The following CSMD1 variants were observed in gnomAD, a reference collection of about 807,000 sequenced individuals.
The protein encoded by CSMD1 is CUB and Sushi multiple domains 1.
CSMD1 carries 213 observed loss-of-function variants against 417.5 expected under a neutral mutation model. The observed-to-expected ratio is 0.51, with a 90% CI of 0.46 to 0.57. The LOEUF is 0.57. Among genes scored for constraint, CSMD1 ranks in the 20% least tolerant of loss-of-function variants. The pLI is 0.00. For synonymous variants in CSMD1, 2,862 were observed against 1,736.8 expected, an observed-to-expected ratio of 1.65 and a Z score of -16.11; for missense variants, 6,923 against 4,529.7, an observed-to-expected ratio of 1.53 and a Z score of -15.17.
chr8:4,160,755 C>A (rs192740313), intron 3 of CSMD1, among the ~76,000 whole-genome samples: 86 of 152,344 alleles, frequency 5.6e-4, no homozygotes, highest in African/African-American at 1.9e-3. Flanking sequence ...ACTACATTTA[C>A]TCAGTCACAC....
intron 3 of CSMD1, among the ~76,000 whole-genome samples, chr8:4,335,637 T>C (rs374127535): frequency 3.9e-4 from 59 of 152,270 alleles, no homozygotes; most frequent in African/African-American, 1.3e-3. Context: ...TATTCAAATA[T>C]TTAATAAAAT....
chr8:4,854,217 G>A (rs549600478), intron 1 of CSMD1, among the ~76,000 whole-genome samples: 1 of 152,150 alleles, frequency 6.6e-6, no homozygotes, highest in Non-Finnish European at 1.5e-5. Context: ...GGAGTGGAAA[G>A]ATATGATTTG....
chr8:3,240,744 T>A (rs1310854721), intron 26 of CSMD1, among the ~76,000 whole-genome samples: 2 of 151,980 alleles, frequency 1.3e-5, no homozygotes, highest in Admixed American at 1.3e-4. Context: ...GTATCGAGGT[T>A]AGGAGAGTAT....
chr8:4,919,883 GA>G (rs1187149730), intron 1 of CSMD1, among the ~76,000 whole-genome samples: 2 of 152,074 alleles, frequency 1.3e-5, no homozygotes, highest in African/African-American at 4.8e-5. Flanking sequence ...CTTCCCTCCA[GA>G]GGGTGCAGCA....
At chr8:4,255,749 A>G (rs1803413434) in intron 3 of CSMD1, among the ~76,000 whole-genome samples, 1 of 152,332 alleles carries the variant, frequency 6.6e-6, no homozygotes, top group East Asian at 1.9e-4. Context: ...GACTTAAACA[A>G]AAGTTCTAAA....
At chr8:3,872,931 G>T (rs568652880) in intron 5 of CSMD1, among the ~76,000 whole-genome samples, 1 of 150,690 alleles carries the variant, frequency 6.6e-6, no homozygotes, top group South Asian at 2.1e-4. Context: ...ACATACATGT[G>T]GCCAACAATC....
chr8:3,760,023 G>A (rs564785459), intron 5 of CSMD1, among the ~76,000 whole-genome samples: 3 of 152,186 alleles, frequency 2.0e-5, no homozygotes, highest in African/African-American at 7.2e-5. Flanking sequence ...CAGAAACACA[G>A]GACACACGCC....
intron 3 of CSMD1, among the ~76,000 whole-genome samples, chr8:4,168,182 C>T (rs966186361): frequency 6.6e-6 from 1 of 151,442 alleles, no homozygotes; most frequent in Non-Finnish European, 1.5e-5. Context: ...CACACATACA[C>T]ACACACGTAT....
chr8:3,645,868 A>G (rs1189487884), intron 7 of CSMD1, among the ~76,000 whole-genome samples: 1 of 152,218 alleles, frequency 6.6e-6, no homozygotes, highest in Non-Finnish European at 1.5e-5. Context: ...GTTTTTATAT[A>G]CATAGGGCAA....
chr8:4,303,217 G>T (rs1185363724), intron 3 of CSMD1, among the ~76,000 whole-genome samples: 1 of 151,928 alleles, frequency 6.6e-6, no homozygotes, highest in African/African-American at 2.4e-5. Flanking sequence ...TGTTAACAGA[G>T]GCATCATCTA....
At chr8:4,652,378 A>G (rs1357982918) in intron 1 of CSMD1, among the ~76,000 whole-genome samples, 2 of 90,688 alleles carry the variant, frequency 2.2e-5, no homozygotes, top group African/African-American at 8.9e-5. Context: ...TGAGACTTCC[A>G]TTCTGTTTTT....
At chr8:4,468,702 A>C in intron 2 of CSMD1, among the ~76,000 whole-genome samples, 1 of 152,336 alleles carries the variant, frequency 6.6e-6, no homozygotes, top group East Asian at 1.9e-4. Context: ...AAGAGTGTTT[A>C]GCATAATTCA....
rs535130533 is a variant in CSMD1 at position 4,531,529 on chromosome 8, G to A, written c.302+105813C>T. Among the ~76,000 whole-genome samples the A allele has an allele frequency of 3.3e-5, 5 of 152,216 alleles. No homozygotes were observed. In the East Asian group the frequency reaches 9.7e-4, roughly 29 times the overall value. On this transcript the variant is annotated intron_variant, in intron 2 of 69. Transcript: ENST00000635120. ...CACCTGCCCTACACACCCCCAGAAG[G>A]TTGGAAGGAAGGTGTAACTACATGT...
At chr8:2,961,580 A>C (rs1325275951) in intron 61 of CSMD1, among the ~76,000 whole-genome samples, 2 of 152,118 alleles carry the variant, frequency 1.3e-5, no homozygotes, top group Admixed American at 1.3e-4. Context: ...TGGCCATCTC[A>C]TTTGGTTACC....
intron 10 of CSMD1, among the ~76,000 whole-genome samples, chr8:3,543,512 G>T (rs920356405): frequency 1.3e-5 from 2 of 152,132 alleles, no homozygotes; most frequent in Non-Finnish European, 2.9e-5. Flanking sequence ...CTGTGGAAAT[G>T]GGAGGATGGC....
chr8:4,511,207 TC>T, intron 2 of CSMD1, among the ~76,000 whole-genome samples: 1 of 152,182 alleles, frequency 6.6e-6, no homozygotes, highest in Admixed American at 6.5e-5. Context: ...CATGTACAGA[TC>T]CATTTTTAAC....
chr8:3,418,300 C>T (rs921119346), intron 12 of CSMD1, among the ~76,000 whole-genome samples: 3 of 152,066 alleles, frequency 2.0e-5, no homozygotes, highest in African/African-American at 7.2e-5. Flanking sequence ...CAGCTCATCT[C>T]GCTTGTCTCA....
chr8:2,942,932 A>AT (rs1356116521), intron 68 of CSMD1, among the ~76,000 whole-genome samples: 1 of 152,140 alleles, frequency 6.6e-6, no homozygotes, highest in African/African-American at 2.4e-5. Context: ...ACATTTATGT[A>AT]TTTTTTCTAT....
At chr8:3,153,230 G>A (rs564880067) in intron 39 of CSMD1, among the ~76,000 whole-genome samples, 237 of 152,262 alleles carry the variant, frequency 1.6e-3, no homozygotes, top group African/African-American at 5.5e-3. Context: ...CAAATGCCAC[G>A]GCAACGTCAG....
Sources: gnomAD v4.1 joint callset for allele counts (sites outside exome capture counted in the v4.1 genomes callset) on GRCh38, gnomAD v4.1.1 for gene constraint, MANE v1.5 for transcripts, NCBI Gene and HGNC (gene_info 2026-07-23, HGNC 2026-07-21) for gene names.